Variants in SDHAF2 observed in about 807,000 individuals in gnomAD.
The protein encoded by SDHAF2 is succinate dehydrogenase complex assembly factor 2, also known as succinate dehydrogenase assembly factor 2, mitochondrial.
A neutral mutation model predicts 18.5 loss-of-function variants in SDHAF2; 21 were observed. The ratio of observed to expected loss-of-function variants is 1.13; its 90% CI spans 0.80 to 1.63. SDHAF2 has a LOEUF of 1.63. Among genes scored for constraint, SDHAF2 ranks in the 40% most tolerant of loss-of-function variants. SDHAF2 has a pLI of 0.00. For synonymous variants in SDHAF2, 84 were observed against 70.7 expected (o/e 1.19, Z -0.94); for missense variants, 195 against 200.3 (o/e 0.97, Z 0.16).
chr11:61,431,256 A>C (rs3018726), intron 1 of SDHAF2: 129,168 of 152,304 alleles, frequency 0.85, 54,931 homozygotes, highest in East Asian at 0.98. Flanking sequence ...CTCCAGACTT[A>C]AGGTGATCCG....
At chr11:61,438,360 C>T (rs896854409) in intron 3 of SDHAF2, 10 of 580,202 alleles carry the variant, frequency 1.7e-5, no homozygotes, top group Non-Finnish European at 6.1e-6. Context: ...TCACCACACC[C>T]GGGTAATTTT....
At chr11:61,444,764 A>G (rs750788311) in intron 3 of SDHAF2, among the ~76,000 whole-genome samples, 18 of 152,036 alleles carry the variant, frequency 1.2e-4, no homozygotes, top group Non-Finnish European at 2.5e-4. Context: ...AAATTTTTTT[A>G]GCTGAATTCC....
intron 3 of SDHAF2, among the ~76,000 whole-genome samples, chr11:61,445,089 T>A (rs1590768869): frequency 2.0e-5 from 3 of 152,202 alleles, no homozygotes; most frequent in East Asian, 3.8e-4. Context: ...CCAGGCCCTG[T>A]GCTGAGTAAG....
rs1039265028 is a variant in SDHAF2, at chr11:61,446,578, G to C, written c.*507G>C. 2 of 448,108 alleles carry C rather than the reference G, an allele frequency of 4.5e-6. No homozygotes were observed. Among genetic ancestry groups the C allele is most frequent in the Admixed American group, 7.6e-5 (2 of 26,340 alleles). The allele number at this position is 448,108 out of a possible 1,614,324, so 27.8% of individuals were successfully genotyped here. A position where few individuals can be genotyped will look rare whatever the true frequency, so the allele number is the denominator to read the frequency against. On this transcript the variant is annotated 3_prime_UTR_variant, in exon 4 of 4. Transcript: ENST00000301761. Reference sequence around the variant, plus strand: ...GAAGCTGATCCCAGCCTCCTGAGCTGAATCCTTCAAAGGCACAGCAGGCAG... The same window carrying C: ...GAAGCTGATCCCAGCCTCCTGAGCTCAATCCTTCAAAGGCACAGCAGGCAG...
chr11:61,441,508 G>A (rs1262348607), intron 3 of SDHAF2, among the ~76,000 whole-genome samples: 1 of 147,340 alleles, frequency 6.8e-6, no homozygotes, highest in African/African-American at 2.5e-5. Flanking sequence ...GTGACAGAGC[G>A]AGGCTCCATC....
At chr11:61,439,680 G>C (rs1219993431) in intron 3 of SDHAF2, among the ~76,000 whole-genome samples, 1 of 152,214 alleles carries the variant, frequency 6.6e-6, no homozygotes. Flanking sequence ...AGCCAACAAA[G>C]TCCAAATATT....
chr11:61,445,905 A>G (rs538679827), intron 3 of SDHAF2, 36 bp from the exon 4 acceptor site: 12 of 1,613,560 alleles, frequency 7.4e-6, no homozygotes, highest in Non-Finnish European at 9.3e-6. Context: ...TTGACTGACT[A>G]TGGCATAATT....
intron 3 of SDHAF2, among the ~76,000 whole-genome samples, chr11:61,442,547 A>G (rs1862081069): frequency 6.6e-6 from 1 of 152,134 alleles, no homozygotes; most frequent in Non-Finnish European, 1.5e-5. Context: ...TTTGATATTT[A>G]TATATGTAGG....
chr11:61,437,622 C>T lies in SDHAF2; in HGVS notation c.37-3C>T, dbSNP rs2134892043. On this transcript the variant is annotated splice_region_variant and splice_polypyrimidine_tract_variant and intron_variant, in intron 1 of 3. Coordinates refer to ENST00000301761, the MANE Select transcript of SDHAF2 (RefSeq NM_017841.4). ...AAAGATGTTTGTGGTTTGTTCATTT[C>T]AGATGCTTGCTCTGTCAAGGCACAG... 1 of 1,612,250 alleles carries T rather than the reference C, an allele frequency of 6.2e-7. No homozygotes were observed. Among genetic ancestry groups the T allele is most frequent in the Non-Finnish European group, 8.5e-7 (1 of 1,178,262 alleles).
At chr11:61,430,283 A>G in intron 1 of SDHAF2, 101 bp downstream of exon 1, 4 of 1,494,362 alleles carry the variant, frequency 2.7e-6, no homozygotes, top group East Asian at 4.5e-5. Context: ...CGTCTGCCCG[A>G]TAGCGCAGGG....
In SDHAF2 at chr11:61,446,133, G is replaced by C. The variant is rs182084395; in HGVS notation, c.*62G>C. ...TGGATGGTAACTACTTATGATGGAC[G>C]TTAGCCTTGCTTCCGGCTTCTTAGA... is the stretch of plus-strand genomic sequence containing the variant. On this transcript the variant is annotated 3_prime_UTR_variant, in exon 4 of 4. Coordinates refer to ENST00000301761, the MANE Select transcript of SDHAF2 (RefSeq NM_017841.4). The C allele has an allele frequency of 1.8e-5, 29 of 1,600,220 alleles. No individual in the cohort carries two copies. In the South Asian group the frequency reaches 2.9e-4, roughly 16 times the overall value.
chr11:61,442,833 A>G (rs1590767661), intron 3 of SDHAF2, among the ~76,000 whole-genome samples: 1 of 152,180 alleles, frequency 6.6e-6, no homozygotes. Context: ...GGCTCACTAC[A>G]ACCTCTGCCT....
intron 1 of SDHAF2, chr11:61,431,519 C>T (rs1861911776): frequency 6.6e-6 from 1 of 152,144 alleles, no homozygotes; most frequent in Non-Finnish European, 1.5e-5. Context: ...TTCTTTGACT[C>T]ATTGATTGTT....
At chr11:61,439,981 A>G (rs533252275) in intron 3 of SDHAF2, among the ~76,000 whole-genome samples, 41 of 152,286 alleles carry the variant, frequency 2.7e-4, no homozygotes, top group African/African-American at 9.6e-4. Context: ...TTGCTGGGTC[A>G]TGTGGTAAGT....
rs756162021 is a variant in SDHAF2 at position 61,446,009 on chromosome 11, A to G, written c.439A>G (p.Lys147Glu). The part of the protein sequence containing the change: ...MALLRDFAKN[K>E]NKEQRLRAPD... ...CCTGCTGAGAGACTTTGCTAAAAAC[A>G]AAAACAAAGAGCAGAGACTGCGTGC... Residue 147 changes from lysine to glutamate, a missense_variant, in exon 4 of 4, where the codon AAA (lysine) becomes GAA (glutamate). Coordinates refer to ENST00000301761, the MANE Select transcript of SDHAF2 (RefSeq NM_017841.4). 6.2e-7 allele frequency: 1 copy of G among 1,614,218 alleles called. No individual in the cohort carries two copies.
intron 1 of SDHAF2, among the ~76,000 whole-genome samples, chr11:61,437,213 G>T (rs1267813392): frequency 6.6e-6 from 1 of 152,012 alleles, no homozygotes; most frequent in Non-Finnish European, 1.5e-5. Context: ...TTTTTCAGGG[G>T]GATAGGGTCC....
rs764251580 is a variant in SDHAF2, at chr11:61,430,170, G to A, written c.24G>A (p.Ser8=). The A allele has an allele frequency of 6.8e-6, 11 of 1,614,116 alleles. No homozygotes were observed. In the African/African-American group the frequency reaches 1.1e-4, roughly 16 times the overall value. Residue 8 remains serine, a synonymous_variant, in exon 1 of 4, where the codon TCG becomes TCA. Coordinates refer to ENST00000301761, the MANE Select transcript of SDHAF2 (RefSeq NM_017841.4). ...AAATGGCGGTGTCTACAGTGTTCTC[G>A]ACTTCGTCGCTGGTGAGGAGAGAGA... MAVSTVF[S]TSSLMLALSR...
chr11:61,430,136 A>T lies in SDHAF2; in HGVS notation c.-11A>T. On this transcript the variant is annotated 5_prime_UTR_variant, in exon 1 of 4. Transcript: ENST00000301761. The stretch of plus-strand genomic sequence containing the variant: ...TGCCCGCGCAGCCGGTTTCCGGTGC[A>T]GGTGGGGAAAATGGCGGTGTCTACA... 6.2e-7 allele frequency: 1 copy of T among 1,614,144 alleles called. No individual in the cohort carries two copies. The highest frequency in any genetic ancestry group is 1.3e-5 in the African/African-American group (1 of 75,070).
chr11:61,436,885 T>C, intron 1 of SDHAF2: 1 of 1,288,752 alleles, frequency 7.8e-7, no homozygotes, highest in South Asian at 1.2e-5. Context: ...CTTGATAAGT[T>C]GTCAACTTCT....
Sources: gnomAD v4.1 joint callset for allele counts (sites outside exome capture counted in the v4.1 genomes callset) on GRCh38, gnomAD v4.1.1 for gene constraint, MANE v1.5 for transcripts, NCBI Gene and HGNC (gene_info 2026-07-23, HGNC 2026-07-21) for gene names.